Variants in U2AF2 observed in about 807,000 individuals in gnomAD.
U2AF2 encodes the protein splicing factor U2AF 65 kDa subunit.
In U2AF2, 6 loss-of-function variants were observed where a neutral mutation model predicts 52.6. That is an observed-to-expected ratio of 0.11 (90% CI 0.06 to 0.23). The LOEUF is 0.23. U2AF2 is among the 10% of genes least tolerant of loss of function. The pLI, the probability that U2AF2 is intolerant of heterozygous loss-of-function variation, is 1.00. For missense variants in U2AF2, 222 were observed against 677.1 expected (o/e 0.33, Z 7.46); for synonymous variants, 284 against 258.2 (o/e 1.10, Z -0.96).
At chr19:55,662,166 T>G in intron 5 of U2AF2, 2 of 210,186 alleles carry the variant, frequency 9.5e-6, no homozygotes, top group African/African-American at 2.3e-5. Flanking sequence ...TTTTTCTTCA[T>G]TTTGTGTTGT....
chr19:55,669,407 G>C (rs1186440964), intron 10 of U2AF2, 37 bp from the exon 11 acceptor site: 1 of 1,565,774 alleles, frequency 6.4e-7, no homozygotes, highest in African/African-American at 1.4e-5. Flanking sequence ...CTGGGTCTGG[G>C]CCCCCTGTGA....
At chr19:55,669,813 C>CCT (rs372371862) in intron 11 of U2AF2, 121 bp downstream of exon 11, 8 of 1,385,762 alleles carry the variant, frequency 5.8e-6, no homozygotes, top group East Asian at 5.0e-5. Context: ...GCTCTTTCTT[C>CCT]CTCTCTCTCT....
At chr19:55,661,987 C>T (rs571464365) in intron 5 of U2AF2, 18 of 157,066 alleles carry the variant, frequency 1.1e-4, no homozygotes, top group Non-Finnish European at 2.5e-4. Flanking sequence ...TGCCCCTGCA[C>T]TCTTGACTTC....
chr19:55,673,322 CTTT>C (rs11376705), intron 11 of U2AF2, among the ~76,000 whole-genome samples: 2 of 146,412 alleles, frequency 1.4e-5, no homozygotes, highest in Non-Finnish European at 1.5e-5. Context: ...CTCACTCCCT[CTTT>C]TTTTTTTTTG....
intron 6 of U2AF2, among the ~76,000 whole-genome samples, 156 bp from the exon 7 acceptor site, chr19:55,663,450 T>G (rs1984347488): frequency 6.6e-6 from 1 of 152,182 alleles, no homozygotes; most frequent in Non-Finnish European, 1.5e-5. Context: ...AGCAGGGACA[T>G]GCGTGTCTGT....
Position 55,665,933 on chromosome 19 carries a change from G to A in U2AF2, c.742+2189G>A, listed in dbSNP as rs957797694. Among the ~76,000 whole-genome samples the A allele has an allele frequency of 1.1e-4, 17 of 152,304 alleles. No individual in the cohort carries two copies. In the South Asian group the frequency reaches 3.1e-3, roughly 28 times the overall value. On this transcript the variant is annotated intron_variant, in intron 7 of 11. Transcript: ENST00000308924. The stretch of plus-strand genomic sequence containing the variant: ...GTTGGGATTATAGGCGTGAGCCACT[G>A]CTCCCGGCCACTGCCTGTTTTTGTA...
rs762740044 is a variant in U2AF2, at chr19:55,674,394, CCTT to C, written c.*329_*331del. ...CCCAGCCCCTCCCAAAACAGCCTCT[CCTT>C]CTCCCATAGACCCCTTTCTTCTCCC... On this transcript the variant is annotated 3_prime_UTR_variant, in exon 12 of 12. Coordinates refer to ENST00000308924, the MANE Select transcript of U2AF2 (RefSeq NM_007279.3). 99 of 304,512 alleles carry C rather than the reference CCTT, an allele frequency of 3.3e-4. No individual in the cohort carries two copies. The highest frequency in any genetic ancestry group is 1.6e-3 in the African/African-American group (72 of 45,824). The allele number at this position is 304,512 out of a possible 1,614,324, so 18.9% of individuals were successfully genotyped here.
chr19:55,666,410 G>A (rs1984553132), intron 7 of U2AF2, among the ~76,000 whole-genome samples: 1 of 152,218 alleles, frequency 6.6e-6, no homozygotes, highest in Admixed American at 6.5e-5. Flanking sequence ...AGTGATGAGT[G>A]GAGGAACTCA....
rs765253811 is a variant in U2AF2 at position 55,669,686 on chromosome 19, C to T, written c.1287C>T (p.Cys429=). The T allele has an allele frequency of 1.4e-5, 22 of 1,604,320 alleles. No individual in the cohort carries two copies. Among genetic ancestry groups the T allele is most frequent in the Middle Eastern group, 2.2e-4 (1 of 4,612 alleles). ...TGGACGGCGTCGAGGTGCCCGGCTGCGGAAAGGTCAGGAGGCCTCGGGCTC... is the reference window on the plus strand; with the variant it reads ...TGGACGGCGTCGAGGTGCCCGGCTGTGGAAAGGTCAGGAGGCCTCGGGCTC... The part of the protein sequence containing the change: ...RPVDGVEVPG[C]GKIFVEFTSV... The change falls in exon 11 of 12, where the codon TGC becomes TGT. Residue 429 remains cysteine (C), a synonymous_variant. Coordinates refer to ENST00000308924, the MANE Select transcript of U2AF2 (RefSeq NM_007279.3).
chr19:55,660,627 C>T lies in U2AF2; in HGVS notation c.334+8C>T, dbSNP rs368583930. 23 of 1,611,920 alleles carry T rather than the reference C, an allele frequency of 1.4e-5. No individual in the cohort carries two copies. The African/African-American group carries it at 1.5e-4, about 10-fold the overall frequency. On this transcript the variant is annotated splice_region_variant and intron_variant, in intron 4 of 11. Transcript: ENST00000308924. ...AGTACAAGGCCATGCAAGGTAGGCC[C>T]CTGGCCAGGCTGCTCCCAGAGCGGG... is the stretch of plus-strand genomic sequence containing the variant.
At chr19:55,661,231 T>G in intron 5 of U2AF2, 42 bp downstream of exon 5, 1 of 1,485,146 alleles carries the variant, frequency 6.7e-7, no homozygotes, top group Non-Finnish European at 9.0e-7. Context: ...CTTGTCCCTC[T>G]ACCCCGTTCC....
intron 2 of U2AF2, 46 bp downstream of exon 2, chr19:55,659,391 G>T (rs1215818565): frequency 4.9e-6 from 7 of 1,439,282 alleles, no homozygotes; most frequent in African/African-American, 4.4e-5. Context: ...GAGTCGGGGG[G>T]TCGGTGTTGG....
In U2AF2 at chr19:55,662,586, A is replaced by G; in HGVS notation, c.571A>G (p.Ile191Val). 1 of 1,612,382 alleles carries G rather than the reference A, an allele frequency of 6.2e-7. No homozygotes were observed. The highest frequency in any genetic ancestry group is 8.5e-7 in the Non-Finnish European group (1 of 1,179,508). The change falls in exon 6 of 12, where the codon ATT becomes GTT. Residue 191 changes from isoleucine (I) to valine (V), a missense_variant. Around this residue, in one of 4 missense-constraint regions of U2AF2, gnomAD observed 35 missense variants for 149.3 expected, o/e 0.23. Coordinates refer to ENST00000308924, the MANE Select transcript of U2AF2 (RefSeq NM_007279.3). ...TGGCAACCCAGTGTTGGCTGTGCAG[A>G]TTAACCAGGACAAGAATTTTGCCTT... ...APGNPVLAVQ[I>V]NQDKNFAFLE...
chr19:55,670,208 C>T (rs1442274365), intron 11 of U2AF2, among the ~76,000 whole-genome samples: 1 of 152,018 alleles, frequency 6.6e-6, no homozygotes, highest in Non-Finnish European at 1.5e-5. Context: ...CTCACACTGG[C>T]AGGTTTCAGG....
Position 55,659,190 on chromosome 19 carries a change from C to A in U2AF2, c.50-20C>A. On this transcript the variant is annotated intron_variant, in intron 1 of 11. Transcript: ENST00000308924. ...TCCTTACTCCGCTTATCCCGTGCCC[C>A]TCCTCTCACCCTTGCCCAGAGCGGG... 1 of 1,530,668 alleles carries A rather than the reference C, an allele frequency of 6.5e-7. No homozygotes were observed. The highest frequency in any genetic ancestry group is 8.8e-7 in the Non-Finnish European group (1 of 1,133,758). 94.8% of individuals were successfully genotyped at this position (1,530,668 alleles called of 1,614,324 possible).
Position 55,671,565 on chromosome 19 carries a change from G to T in U2AF2, c.1293+1873G>T, listed in dbSNP as rs147733465. ...CGGAGTGGTTTGCCCAGGGAGAGCA[G>T]GGTTGGGGAGGGCGGCTGGAGAGGT... On this transcript the variant is annotated intron_variant, in intron 11 of 11. Transcript: ENST00000308924. 670 of 152,510 alleles carry T rather than the reference G, an allele frequency of 4.4e-3. 4 individuals carry two copies. Among genetic ancestry groups the T allele is most frequent in the Non-Finnish European group, 6.7e-3 (455 of 68,152 alleles). The allele number at this position is 152,510 out of a possible 1,614,324, so 9.4% of individuals were successfully genotyped here. A position where few individuals can be genotyped will look rare whatever the true frequency, so the allele number is the denominator to read the frequency against.
Position 55,662,736 on chromosome 19 carries a change from TCTC to T in U2AF2, c.603+120_603+122del. On this transcript the variant is annotated intron_variant, in intron 6 of 11. Coordinates refer to ENST00000308924, the MANE Select transcript of U2AF2 (RefSeq NM_007279.3). ...TTCCACCAGGCCCTCTGCAGCCTCT[TCTC>T]CACCCGGTCGCTGAAGTGAGCCCTG... 6.0e-6 allele frequency: 5 copies of T among 831,376 alleles called. No homozygotes were observed. The South Asian group carries it at 8.0e-5, about 13-fold the overall frequency. 51.5% of individuals were successfully genotyped at this position (831,376 alleles called of 1,614,324 possible).
At chr19:55,662,728 C>T in intron 6 of U2AF2, 110 bp downstream of exon 6, 3 of 902,618 alleles carry the variant, frequency 3.3e-6, no homozygotes, top group South Asian at 1.5e-5. Context: ...AGGCCCTCTG[C>T]AGCCTCTTCT....
chr19:55,672,086 G>C (rs1040301178), intron 11 of U2AF2: 1 of 150,096 alleles, frequency 6.7e-6, no homozygotes, highest in Non-Finnish European at 1.5e-5. Flanking sequence ...CCAAGATTAC[G>C]CCACTGCACT....
Sources: allele counts gnomAD v4.1 joint callset (sites outside exome capture counted in the v4.1 genomes callset), GRCh38; gene constraint gnomAD v4.1.1; regional missense constraint gnomAD v4.1.1; transcripts MANE v1.5; gene names NCBI Gene and HGNC (gene_info 2026-07-23, HGNC 2026-07-21).